Variants in LRRTM4 observed in about 807,000 individuals in gnomAD.
LRRTM4 encodes leucine rich repeat transmembrane neuronal 4.
In LRRTM4, 25 loss-of-function variants were observed where a neutral mutation model predicts 47.6. The ratio of observed to expected loss-of-function variants is 0.53; its 90% confidence interval spans 0.38 to 0.73. The LOEUF (loss-of-function observed/expected upper bound fraction) is 0.73. Ranked by LOEUF, LRRTM4 falls within the 30% of genes least tolerant of loss-of-function variation. The pLI, the probability that LRRTM4 is intolerant of heterozygous loss-of-function variation, is 0.00. For missense variants in LRRTM4, 638 were observed against 713.4 expected (o/e 0.89, Z 1.20); for synonymous variants, 311 against 269.5 (o/e 1.15, Z -1.51).
rs140075687 is a variant in LRRTM4, at chr2:76,904,851, G to C, written c.1552-155935C>G. Among the ~76,000 whole-genome samples the C allele has an allele frequency of 4.8e-3, 736 of 152,302 alleles. 8 individuals are homozygous for C. Among genetic ancestry groups the C allele is most frequent in the African/African-American group, 0.017 (699 of 41,564 alleles). Reference sequence around the variant, plus strand: ...TAAAAATAACATGAGCTATTCACTTGTCAAAAGTGTTTTGAAAAGGCATCA... The same window carrying C: ...TAAAAATAACATGAGCTATTCACTTCTCAAAAGTGTTTTGAAAAGGCATCA... On this transcript the variant is annotated intron_variant, in intron 3 of 3. Transcript: ENST00000409884.
At chr2:77,389,194 C>T (rs2103810429) in intron 3 of LRRTM4, among the ~76,000 whole-genome samples, 1 of 152,188 alleles carries the variant, frequency 6.6e-6, no homozygotes, top group Non-Finnish European at 1.5e-5. Flanking sequence ...GCCAATCCAA[C>T]TCTAATTAAC....
intron 3 of LRRTM4, among the ~76,000 whole-genome samples, chr2:76,970,969 C>T (rs1324204514): frequency 2.0e-5 from 3 of 151,814 alleles, no homozygotes; most frequent in Admixed American, 6.6e-5. Flanking sequence ...AGAATGTACC[C>T]CTCTACTCAA....
chr2:77,427,594 G>A (rs1675174013), intron 3 of LRRTM4, among the ~76,000 whole-genome samples: 1 of 152,164 alleles, frequency 6.6e-6, no homozygotes, highest in Non-Finnish European at 1.5e-5. Flanking sequence ...GAGTTTTGCA[G>A]ATTAATATTC....
chr2:77,436,195 T>C (rs1004381606), intron 3 of LRRTM4, among the ~76,000 whole-genome samples: 2 of 152,068 alleles, frequency 1.3e-5, no homozygotes, highest in Non-Finnish European at 2.9e-5. Flanking sequence ...GAGAAAAAAA[T>C]GCCCAAAGCA....
intron 3 of LRRTM4, among the ~76,000 whole-genome samples, chr2:76,749,600 A>G (rs1672778267): frequency 1.3e-5 from 2 of 152,148 alleles, no homozygotes; most frequent in South Asian, 2.1e-4. Context: ...ATGTAATGTT[A>G]TTATTGGTTT....
intron 3 of LRRTM4, among the ~76,000 whole-genome samples, chr2:77,066,284 G>A (rs111521845): frequency 5.9e-5 from 9 of 151,906 alleles, no homozygotes; most frequent in Non-Finnish European, 1.3e-4. Flanking sequence ...GTTAATCATA[G>A]AACAAGAACT....
At chr2:77,025,127 C>T (rs1206673245) in intron 3 of LRRTM4, among the ~76,000 whole-genome samples, 3 of 152,060 alleles carry the variant, frequency 2.0e-5, no homozygotes, top group African/African-American at 7.2e-5. Flanking sequence ...AGAATCATAA[C>T]ATAATAGGAT....
chr2:77,387,341 T>G (rs532516163), intron 3 of LRRTM4, among the ~76,000 whole-genome samples: 3 of 152,170 alleles, frequency 2.0e-5, no homozygotes, highest in Non-Finnish European at 4.4e-5. Flanking sequence ...TTGTTTTTGC[T>G]GACTGTGGGA....
At chr2:76,902,905 G>A (rs1267191592) in intron 3 of LRRTM4, among the ~76,000 whole-genome samples, 1 of 151,572 alleles carries the variant, frequency 6.6e-6, no homozygotes. Context: ...TTCTTGGTGT[G>A]TTTTAATTAG....
At chr2:77,451,878 C>G (rs541801409) in intron 3 of LRRTM4, among the ~76,000 whole-genome samples, 1 of 152,142 alleles carries the variant, frequency 6.6e-6, no homozygotes, top group South Asian at 2.1e-4. Flanking sequence ...CTGGGCAGAG[C>G]CTTTGAGACA....
At chr2:77,488,519 C>T (rs1206234831) in intron 3 of LRRTM4, among the ~76,000 whole-genome samples, 1 of 152,146 alleles carries the variant, frequency 6.6e-6, no homozygotes, top group Non-Finnish European at 1.5e-5. Context: ...GGCAAAGGCA[C>T]CACTGATCAC....
rs535073953 is a variant in LRRTM4, at chr2:76,909,508, C to G, written c.1552-160592G>C. The stretch of plus-strand genomic sequence containing the variant: ...AATTGACAAATGGGATCTCATTAAA[C>G]TAAAGAGCTTCTGCACAGCAAAAGA... On this transcript the variant is annotated intron_variant, in intron 3 of 3. Coordinates refer to ENST00000409884, the MANE Select transcript of LRRTM4 (RefSeq NM_001134745.3). Among the ~76,000 whole-genome samples the G allele has an allele frequency of 1.2e-4, 18 of 152,038 alleles. No homozygotes were observed. In the South Asian group the frequency reaches 3.3e-3, roughly 28 times the overall value.
At chr2:77,083,319 C>A (rs1457372591) in intron 3 of LRRTM4, among the ~76,000 whole-genome samples, 1 of 152,106 alleles carries the variant, frequency 6.6e-6, no homozygotes, top group Non-Finnish European at 1.5e-5. Context: ...AGTAGGGGTC[C>A]TGAGGAGTGC....
chr2:76,900,096 G>T (rs1376984665), intron 3 of LRRTM4, among the ~76,000 whole-genome samples: 1 of 152,028 alleles, frequency 6.6e-6, no homozygotes, highest in Non-Finnish European at 1.5e-5. Context: ...AGGCATGATG[G>T]ATGGCTCATG....
At chr2:77,353,925 C>T (rs957203570) in intron 3 of LRRTM4, among the ~76,000 whole-genome samples, 2 of 152,172 alleles carry the variant, frequency 1.3e-5, no homozygotes, top group Non-Finnish European at 2.9e-5. Context: ...ATCAAGGCAG[C>T]AGTGTTACAG....
At chr2:77,227,361 A>G (rs1307390177) in intron 3 of LRRTM4, among the ~76,000 whole-genome samples, 2 of 152,096 alleles carry the variant, frequency 1.3e-5, no homozygotes, top group East Asian at 3.9e-4. Context: ...TGAAAGTTTA[A>G]AAACACAATT....
intron 3 of LRRTM4, among the ~76,000 whole-genome samples, chr2:76,925,092 A>G (rs943389907): frequency 1.3e-5 from 2 of 152,146 alleles, no homozygotes; most frequent in Non-Finnish European, 2.9e-5. Context: ...AATGTAAGAA[A>G]AAAAGGTAAA....
At chr2:77,299,321 A>G (rs148429829) in intron 3 of LRRTM4, among the ~76,000 whole-genome samples, 97 of 151,130 alleles carry the variant, frequency 6.4e-4, no homozygotes, top group African/African-American at 1.8e-3. Flanking sequence ...ATACATATAT[A>G]TGTGTGTATA....
At chr2:77,153,277 G>A (rs1672477104) in intron 3 of LRRTM4, among the ~76,000 whole-genome samples, 2 of 152,132 alleles carry the variant, frequency 1.3e-5, no homozygotes. Context: ...GTTGTCTGTA[G>A]ATGTGAGGAG....
Sources: gnomAD v4.1 joint callset for allele counts (sites outside exome capture counted in the v4.1 genomes callset) on GRCh38, gnomAD v4.1.1 for gene constraint, MANE v1.5 for transcripts, NCBI Gene and HGNC (gene_info 2026-07-23, HGNC 2026-07-21) for gene names.